The following EYS variants were observed in gnomAD, a reference collection of about 807,000 sequenced individuals.
EYS encodes the protein protein eyes shut homolog.
A neutral mutation model predicts 282.1 loss-of-function variants in EYS; 250 were observed. The observed-to-expected ratio is 0.89, with a 90% CI of 0.80 to 0.98. The LOEUF is 0.98. Ranked by LOEUF, EYS falls within the 50% of genes least tolerant of loss-of-function variation. The pLI, the probability that EYS is intolerant of heterozygous loss-of-function variation, is 0.00. For missense variants in EYS, 4,016 were observed against 3,709.0 expected (o/e 1.08, Z -2.15); for synonymous variants, 1,355 against 1,282.9 (o/e 1.06, Z -1.20).
chr6:65,292,985 T>C (rs1384921137), intron 12 of EYS, among the ~76,000 whole-genome samples: 1 of 151,628 alleles, frequency 6.6e-6, no homozygotes, highest in East Asian at 1.9e-4. Flanking sequence ...GGAAATTAGA[T>C]GAAAACTAAC....
At chr6:65,006,491 G>A (rs1321703966) in intron 13 of EYS, among the ~76,000 whole-genome samples, 2 of 80,022 alleles carry the variant, frequency 2.5e-5, no homozygotes, top group South Asian at 1.0e-3. Context: ...CCAGTTCAGA[G>A]TTATTCTAAG....
intron 31 of EYS, among the ~76,000 whole-genome samples, chr6:64,228,060 G>T (rs1766302765): frequency 6.6e-6 from 1 of 152,016 alleles, no homozygotes; most frequent in African/African-American, 2.4e-5. Flanking sequence ...TATAAAAAAT[G>T]ACATCCTAGG....
At chr6:64,927,447 G>A (rs556522490) in intron 15 of EYS, among the ~76,000 whole-genome samples, 7 of 152,020 alleles carry the variant, frequency 4.6e-5, no homozygotes, top group South Asian at 2.1e-4. Context: ...GATTACTTAC[G>A]TGATCAATTC....
intron 30 of EYS, among the ~76,000 whole-genome samples, chr6:64,247,673 G>T (rs1767062397): frequency 6.6e-6 from 1 of 152,038 alleles, no homozygotes; most frequent in Non-Finnish European, 1.5e-5. Context: ...ATTGCATAAT[G>T]CATTGAGGGT....
intron 39 of EYS, among the ~76,000 whole-genome samples, chr6:63,787,672 T>G (rs1770400748): frequency 2.6e-5 from 4 of 152,222 alleles, no homozygotes; most frequent in Admixed American, 2.6e-4. Flanking sequence ...TAAATGAGGC[T>G]GGGCATGGCC....
intron 35 of EYS, among the ~76,000 whole-genome samples, chr6:63,890,643 G>C (rs1249818830): frequency 3.3e-5 from 5 of 152,176 alleles, no homozygotes; most frequent in Non-Finnish European, 7.4e-5. Flanking sequence ...GGAGAAAGCA[G>C]GAAGGATCTA....
intron 41 of EYS, among the ~76,000 whole-genome samples, chr6:63,741,531 A>G (rs1284788684): frequency 6.6e-6 from 1 of 152,242 alleles, no homozygotes; most frequent in African/African-American, 2.4e-5. Context: ...ACAGACTGGC[A>G]TAATATCAAA....
At chr6:64,483,589 T>C (rs1439587178) in intron 26 of EYS, among the ~76,000 whole-genome samples, 1 of 151,626 alleles carries the variant, frequency 6.6e-6, no homozygotes, top group African/African-American at 2.4e-5. Context: ...GGAATTAAAT[T>C]ACTCTCTGCT....
rs186330510 is a variant in EYS, at chr6:64,683,304, A to G, written c.3444-57059T>C. 3.6e-3 allele frequency among the ~76,000 whole-genome samples: 554 copies of G among 152,330 alleles called. 5 individuals carry two copies. Among genetic ancestry groups the G allele is most frequent in the South Asian group, 0.017 (81 of 4,830 alleles). On this transcript the variant is annotated intron_variant, in intron 22 of 42. Transcript: ENST00000503581. The stretch of plus-strand genomic sequence containing the variant: ...GTTTTAGCCATTTCTGATAGCAGAG[A>G]AATAATTAAAAGGAGCCAATATCAA...
At chr6:63,983,237 CTATGTAAGTCAG>C (rs1395322360) in intron 35 of EYS, among the ~76,000 whole-genome samples, 4 of 151,760 alleles carry the variant, frequency 2.6e-5, no homozygotes, top group East Asian at 1.9e-4. Context: ...TATAAATTCA[CTATGTAAGTCAG>C]ATACTTACAC....
At chr6:64,680,389 T>C (rs1050199911) in intron 22 of EYS, among the ~76,000 whole-genome samples, 4 of 152,072 alleles carry the variant, frequency 2.6e-5, no homozygotes, top group Admixed American at 6.5e-5. Context: ...TTTAAGAAAA[T>C]GTACTAATTC....
chr6:65,113,305 T>C (rs1355752384), intron 12 of EYS, among the ~76,000 whole-genome samples: 1 of 152,068 alleles, frequency 6.6e-6, no homozygotes. Context: ...AGACTCTCTC[T>C]GTGAAGAATA....
intron 26 of EYS, among the ~76,000 whole-genome samples, chr6:64,468,132 A>G (rs1202107084): frequency 1.3e-5 from 2 of 152,186 alleles, no homozygotes; most frequent in African/African-American, 2.4e-5. Context: ...CCCAAAGATC[A>G]GCACATCCAG....
At chr6:63,727,737 A>AAAAAAAAATATATATATATATAT (rs1554164607) in intron 41 of EYS, among the ~76,000 whole-genome samples, 2 of 36,734 alleles carry the variant, frequency 5.4e-5, no homozygotes, top group Non-Finnish European at 4.3e-5. Flanking sequence ...AAAAAAAAAA[A>AAAAAAAAATATATATATATATAT]ATATATATAT....
chr6:65,688,515 A>G (rs537516232), intron 1 of EYS, among the ~76,000 whole-genome samples: 33 of 152,210 alleles, frequency 2.2e-4, no homozygotes, highest in Non-Finnish European at 3.8e-4. Context: ...TTCAGGACAT[A>G]GGCATGGGGA....
chr6:65,373,145 A>G (rs1435456083), intron 8 of EYS, among the ~76,000 whole-genome samples: 1 of 152,142 alleles, frequency 6.6e-6, no homozygotes, highest in Non-Finnish European at 1.5e-5. Context: ...CTTGGTCTTA[A>G]GTTAAATCCT....
At chr6:65,322,664 G>A (rs71270257) in intron 11 of EYS, among the ~76,000 whole-genome samples, 20 of 151,458 alleles carry the variant, frequency 1.3e-4, no homozygotes, top group South Asian at 2.1e-4. Flanking sequence ...GCCTGGGGGC[G>A]CGCGCCTGTA....
intron 8 of EYS, among the ~76,000 whole-genome samples, chr6:65,354,689 C>A (rs114592746): frequency 2.4e-3 from 360 of 152,046 alleles, no homozygotes; most frequent in Non-Finnish European, 4.0e-3. Context: ...CAGTGGCGTG[C>A]GCCTGTAATC....
At chr6:64,831,954 TG>T (rs1454917261) in intron 19 of EYS, among the ~76,000 whole-genome samples, 1 of 151,914 alleles carries the variant, frequency 6.6e-6, no homozygotes, top group Non-Finnish European at 1.5e-5. Flanking sequence ...GCAACTATGT[TG>T]AGAGCTTTGG....
Sources: allele counts gnomAD v4.1 joint callset (sites outside exome capture counted in the v4.1 genomes callset), GRCh38; gene constraint gnomAD v4.1.1; transcripts MANE v1.5; gene names NCBI Gene and HGNC (gene_info 2026-07-23, HGNC 2026-07-21).